Variants in OMA1 observed in about 807,000 individuals in gnomAD.
OMA1 encodes OMA1 zinc metallopeptidase.
A neutral mutation model predicts 30.9 loss-of-function variants in OMA1; 38 were observed. That is an observed-to-expected ratio of 1.23 (90% CI 0.95 to 1.61). The LOEUF is 1.61. OMA1 is among the 40% of genes most tolerant of loss of function. OMA1 has a pLI of 0.00. For synonymous variants in OMA1, 173 were observed against 121.9 expected, an observed-to-expected ratio of 1.42 and a Z score of -2.76; for missense variants, 461 against 349.2, an observed-to-expected ratio of 1.32 and a Z score of -2.55.
rs1202439417 is a variant in OMA1, at chr1:58,534,349, ACTT to A, written c.730-21_730-19del. The A allele has an allele frequency of 2.4e-6, 2 of 826,194 alleles. No homozygotes were observed. The highest frequency in any genetic ancestry group is 4.1e-6 in the Non-Finnish European group (2 of 482,578). The allele number at this position is 826,194 out of a possible 1,614,324, so 51.2% of individuals were successfully genotyped here. On this transcript the variant is annotated intron_variant, in intron 3 of 8. Transcript: ENST00000371226. ...TCCATCCACTGAAAGATTAAAAATT[ACTT>A]CTTATTTTAAAAGAGCACTACAAAA...
At chr1:58,523,895 T>C (rs1416727210) in intron 7 of OMA1, among the ~76,000 whole-genome samples, 1 of 151,946 alleles carries the variant, frequency 6.6e-6, no homozygotes, top group East Asian at 1.9e-4. Context: ...CGAGACTCCA[T>C]CTCAAAAAAA....
intron 8 of OMA1, among the ~76,000 whole-genome samples, chr1:58,495,034 G>A (rs1034925457): frequency 3.9e-5 from 6 of 152,160 alleles, no homozygotes; most frequent in African/African-American, 1.4e-4. Context: ...GTCCAACAAT[G>A]ATAGACTGGA....
At chr1:58,524,244 C>T (rs1646314979) in intron 7 of OMA1, among the ~76,000 whole-genome samples, 1 of 152,180 alleles carries the variant, frequency 6.6e-6, no homozygotes, top group South Asian at 2.1e-4. Flanking sequence ...AAAACCTGTT[C>T]CGGCAGCTAT....
In OMA1 at chr1:58,481,065, TC is replaced by T. The variant is rs750706870; in HGVS notation, c.1474del (p.Asp492ThrfsTer2). 5.3e-5 allele frequency: 46 copies of T among 871,960 alleles called. No individual in the cohort carries two copies. Among genetic ancestry groups the T allele is most frequent in the Non-Finnish European group, 8.2e-5 (41 of 501,270 alleles). The allele number at this position is 871,960 out of a possible 1,614,324, so 54.0% of individuals were successfully genotyped here. ...KHFLEESEKEDLNITKKQKMD... is the reference protein window; with the variant it reads ...KHFLEESEKEXLNITKKQKMD... ...TTTCTGTTTCTTCGTGATATTTAGG[TC>T]TTCTTTCTCTGATTCTTCAAGAAAA... On this transcript the variant is annotated frameshift_variant, in exon 9 of 9. Coordinates refer to ENST00000371226, the MANE Select transcript of OMA1 (RefSeq NM_145243.5). LOFTEE classifies it high-confidence loss of function.
At chr1:58,500,227 T>G (rs1019006324) in intron 8 of OMA1, among the ~76,000 whole-genome samples, 2 of 152,166 alleles carry the variant, frequency 1.3e-5, no homozygotes, top group Non-Finnish European at 2.9e-5. Context: ...CTGTCAGGCT[T>G]CCTGGCTTTA....
chr1:58,515,166 C>A (rs1411203272), intron 7 of OMA1, among the ~76,000 whole-genome samples: 1 of 152,150 alleles, frequency 6.6e-6, no homozygotes, highest in Non-Finnish European at 1.5e-5. Context: ...CACTTATTCT[C>A]TAAACAACAT....
intron 1 of OMA1, among the ~76,000 whole-genome samples, chr1:58,546,468 G>A (rs997724170): frequency 2.0e-5 from 3 of 151,674 alleles, no homozygotes; most frequent in African/African-American, 7.3e-5. Context: ...GGCTCCCCCA[G>A]GACAGATCCC....
At chr1:58,531,258 A>G (rs780772602) in intron 5 of OMA1, among the ~76,000 whole-genome samples, 1 of 152,216 alleles carries the variant, frequency 6.6e-6, no homozygotes, top group African/African-American at 2.4e-5. Flanking sequence ...AAATTCAGAA[A>G]AAGACTGGAA....
chr1:58,515,085 C>T (rs1258214011), intron 7 of OMA1, among the ~76,000 whole-genome samples: 1 of 152,206 alleles, frequency 6.6e-6, no homozygotes, highest in African/African-American at 2.4e-5. Context: ...GTCTCACATA[C>T]CTCCACAGGT....
At chr1:58,482,654 G>A (rs1456312532) in intron 8 of OMA1, among the ~76,000 whole-genome samples, 1 of 152,142 alleles carries the variant, frequency 6.6e-6, no homozygotes, top group Non-Finnish European at 1.5e-5. Flanking sequence ...ATCCAGGCAA[G>A]GCCTCACTGA....
At position 58,534,439 on chromosome 1, in the gene OMA1, T is replaced by C. The variant is rs147682925; in HGVS notation, c.730-108A>G. The C allele has an allele frequency of 7.8e-3, 4,589 of 586,030 alleles. 27 individuals are homozygous for C. The highest frequency in any genetic ancestry group is 9.6e-3 in the Middle Eastern group (21 of 2,186). The allele number at this position is 586,030 out of a possible 1,614,324, so 36.3% of individuals were successfully genotyped here. A position where few individuals can be genotyped will look rare whatever the true frequency, so the allele number is the denominator to read the frequency against. ...TATTATTGAACATTTTAAGTTTTAA[T>C]TATATAAAAATCTGCATATATTAAG... On this transcript the variant is annotated intron_variant, in intron 3 of 8. Transcript: ENST00000371226.
intron 8 of OMA1, among the ~76,000 whole-genome samples, chr1:58,505,142 G>C (rs1263272733): frequency 6.6e-6 from 1 of 152,100 alleles, no homozygotes; most frequent in Non-Finnish European, 1.5e-5. Context: ...AGTAGAGACA[G>C]GGTTTCACCC....
In OMA1 at chr1:58,537,980, T is replaced by G. The variant is rs1420510989; in HGVS notation, c.500+815A>C. ...GAAGAACCTGGGATGAGCGTATTAC[T>G]TCAACCAATAGTCAATACAGCTGTA... is the stretch of plus-strand genomic sequence containing the variant. On this transcript the variant is annotated intron_variant, in intron 2 of 8. Coordinates refer to ENST00000371226, the MANE Select transcript of OMA1 (RefSeq NM_145243.5). Among the ~76,000 whole-genome samples the G allele has an allele frequency of 2.6e-5, 4 of 152,184 alleles. No homozygotes were observed. In the East Asian group the frequency reaches 7.7e-4, roughly 29 times the overall value.
chr1:58,515,334 A>G (rs187073060), intron 7 of OMA1, among the ~76,000 whole-genome samples: 163 of 152,328 alleles, frequency 1.1e-3, no homozygotes, highest in African/African-American at 3.8e-3. Flanking sequence ...AATGAAAGAC[A>G]TATGTTGGTC....
chr1:58,481,906 A>G (rs907727480), intron 8 of OMA1, among the ~76,000 whole-genome samples: 1 of 152,236 alleles, frequency 6.6e-6, no homozygotes, highest in African/African-American at 2.4e-5. Context: ...TGGAACTGTA[A>G]GTCAATTAAA....
At chr1:58,541,964 T>C (rs17117734) in intron 1 of OMA1, among the ~76,000 whole-genome samples, 4,260 of 152,286 alleles carry the variant, frequency 0.028, 189 homozygotes, top group African/African-American at 0.096. Flanking sequence ...GAAAAAAATA[T>C]GTAAACTTCA....
intron 2 of OMA1, 57 bp from the exon 3 acceptor site, chr1:58,536,798 A>T: frequency 4.9e-6 from 4 of 814,020 alleles, no homozygotes; most frequent in Non-Finnish European, 8.5e-6. Flanking sequence ...ATATCACTAA[A>T]GCTCAAATGC....
At chr1:58,499,590 T>C (rs1645869497) in intron 8 of OMA1, among the ~76,000 whole-genome samples, 1 of 152,136 alleles carries the variant, frequency 6.6e-6, no homozygotes, top group Non-Finnish European at 1.5e-5. Flanking sequence ...CACAGCATTG[T>C]TACTACAGTT....
chr1:58,485,412 GTTTC>G (rs1186857841), intron 8 of OMA1, among the ~76,000 whole-genome samples: 2 of 151,756 alleles, frequency 1.3e-5, no homozygotes, highest in Non-Finnish European at 2.9e-5. Flanking sequence ...TCTGAGCTAG[GTTTC>G]TTTAATTGCT....
Sources: gnomAD v4.1 joint callset for allele counts (sites outside exome capture counted in the v4.1 genomes callset) on GRCh38, gnomAD v4.1.1 for gene constraint, MANE v1.5 for transcripts, NCBI Gene and HGNC (gene_info 2026-07-23, HGNC 2026-07-21) for gene names.